The following ANKRD42 variants were observed in gnomAD, a reference collection of about 807,000 sequenced individuals.
The protein encoded by ANKRD42 is ankyrin repeat domain 42.
Under a neutral mutation model 51.5 loss-of-function variants are expected in ANKRD42, and 43 were observed. That is an observed-to-expected ratio of 0.83 (90% CI 0.65 to 1.08). The LOEUF is 1.08. Among genes scored for constraint, ANKRD42 ranks in the 50% least tolerant of loss-of-function variants. The pLI is 0.00. For missense variants in ANKRD42, 608 were observed against 629.3 expected (o/e 0.97, Z 0.36); for synonymous variants, 203 against 213.0 (o/e 0.95, Z 0.41).
At chr11:83,213,156 A>G (rs372778884) in intron 5 of ANKRD42, 46 of 1,601,786 alleles carry the variant, frequency 2.9e-5, no homozygotes, top group East Asian at 2.5e-4. Context: ...AGGTTCAAGG[A>G]CCAATCTTGA....
At chr11:83,236,801 C>T (rs746251384) in intron 8 of ANKRD42, among the ~76,000 whole-genome samples, 54 of 152,104 alleles carry the variant, frequency 3.6e-4, no homozygotes, top group African/African-American at 1.3e-3. Flanking sequence ...ACTGGAGGTC[C>T]GGTCTGGGAA....
chr11:83,206,980 A>G (rs1189218270), intron 3 of ANKRD42, among the ~76,000 whole-genome samples: 1 of 152,332 alleles, frequency 6.6e-6, no homozygotes, highest in East Asian at 1.9e-4. Flanking sequence ...TCACACTACT[A>G]TGAAGAAATA....
In ANKRD42 at chr11:83,211,299, C is replaced by G. The variant is rs1206848108; in HGVS notation, c.455C>G (p.Pro152Arg). ...CCTTGTGAATGTTACCTCTAGGATC[C>G]CAGTGTGACTGATAAGAGAGAATGG... ...LQIMLRSGVD[P>R]SVTDKREWRP... The change falls in exon 5 of 11, where the codon CCC (proline) becomes CGC (arginine). Residue 152 changes from proline (P) to arginine (R), a missense_variant. Pro to Arg is a moderately radical substitution (Grantham distance 103). Coordinates refer to ENST00000533342, the MANE Select transcript of ANKRD42 (RefSeq NM_001300975.2). 2 of 1,614,076 alleles carry G rather than the reference C, an allele frequency of 1.2e-6. No individual in the cohort carries two copies. Among genetic ancestry groups the G allele is most frequent in the Non-Finnish European group, 1.7e-6 (2 of 1,180,012 alleles).
chr11:83,224,968 G>T lies in ANKRD42; in HGVS notation c.700G>T (p.Asp234Tyr), dbSNP rs201777710. The T allele has an allele frequency of 6.2e-7, 1 of 1,613,702 alleles. No individual in the cohort carries two copies. The highest frequency in any genetic ancestry group is 1.3e-5 in the African/African-American group (1 of 75,014). Residue 234 changes from aspartate to tyrosine, a missense_variant, in exon 6 of 11, where the codon GAT becomes TAT. Coordinates refer to ENST00000533342, the MANE Select transcript of ANKRD42 (RefSeq NM_001300975.2). ...AFNDNGENVL[D>Y]LAQRFFKQNI... ...CAATGATAATGGAGAAAATGTACTG[G>T]ATTTGGCCCAGAGGTTCTTCAAGCA... is the stretch of plus-strand genomic sequence containing the variant.
At chr11:83,207,233 A>G (rs77884649) in intron 3 of ANKRD42, among the ~76,000 whole-genome samples, 16 of 152,310 alleles carry the variant, frequency 1.1e-4, no homozygotes, top group Middle Eastern at 6.8e-3. Context: ...CCATGATTCA[A>G]TTACCTCCCA....
rs1861525205 is a variant in ANKRD42 at position 83,194,100 on chromosome 11, C to T, written c.-571C>T. On this transcript the variant is annotated 5_prime_UTR_variant, in exon 1 of 11. Coordinates refer to ENST00000533342, the MANE Select transcript of ANKRD42 (RefSeq NM_001300975.2). The stretch of plus-strand genomic sequence containing the variant: ...AGAGAGTTAGGGGAGATAGTGGCCA[C>T]AGTCACAGCTGCTCTTGGGAGAGAG... 2.2e-6 allele frequency: 1 copy of T among 456,382 alleles called. No homozygotes were observed. Among genetic ancestry groups the T allele is most frequent in the Non-Finnish European group, 4.4e-6 (1 of 226,798 alleles). The allele number at this position is 456,382 out of a possible 1,614,324, so 28.3% of individuals were successfully genotyped here. A position where few individuals can be genotyped will look rare whatever the true frequency, so the allele number is the denominator to read the frequency against.
At chr11:83,212,832 A>C (rs895880862) in intron 5 of ANKRD42, 2 of 1,439,044 alleles carry the variant, frequency 1.4e-6, no homozygotes, top group African/African-American at 2.9e-5. Flanking sequence ...GTCTTTTGGT[A>C]TGAACTCTTT....
At chr11:83,245,036 C>G (rs972288706) in intron 9 of ANKRD42, among the ~76,000 whole-genome samples, 2 of 152,090 alleles carry the variant, frequency 1.3e-5, no homozygotes, top group South Asian at 2.1e-4. Flanking sequence ...TCATGAGTAG[C>G]TGGGATTACA....
intron 5 of ANKRD42, chr11:83,214,497 C>T: frequency 1.0e-6 from 1 of 978,356 alleles, no homozygotes; most frequent in Non-Finnish European, 1.2e-6. Context: ...TTATTTATAA[C>T]CAGGTAGAGT....
chr11:83,229,594 AAG>A (rs1242979124), intron 7 of ANKRD42, among the ~76,000 whole-genome samples: 7 of 152,146 alleles, frequency 4.6e-5, no homozygotes, highest in Non-Finnish European at 1.0e-4. Context: ...CTTGAACTGA[AAG>A]AGAAATGAGG....
Position 83,248,078 on chromosome 11 carries a change from T to C in ANKRD42, c.1458T>C (p.Phe486=). Residue 486 remains phenylalanine, a synonymous_variant, in exon 11 of 11, where the codon TTT becomes TTC. Transcript: ENST00000533342. ...TGGAAAAAATTCAAGTCCCAAACTT[T>C]GTGGCTATGGTTGGTGTCCTTTTTA... is the stretch of plus-strand genomic sequence containing the variant. ...ETLEKIQVPN[F]VAMVGVLFNT... 1 of 1,580,084 alleles carries C rather than the reference T, an allele frequency of 6.3e-7. No individual in the cohort carries two copies. Among genetic ancestry groups the C allele is most frequent in the East Asian group, 2.3e-5 (1 of 42,950 alleles).
At chr11:83,232,233 G>C (rs1863093929) in intron 7 of ANKRD42, among the ~76,000 whole-genome samples, 1 of 151,704 alleles carries the variant, frequency 6.6e-6, no homozygotes, top group Admixed American at 6.6e-5. Flanking sequence ...TATGAACATG[G>C]AATATCTTTC....
At chr11:83,234,851 A>T (rs890947196) in intron 7 of ANKRD42, among the ~76,000 whole-genome samples, 3 of 152,180 alleles carry the variant, frequency 2.0e-5, no homozygotes, top group African/African-American at 7.2e-5. Context: ...GCCAGCTTGT[A>T]ATTTGGCAGA....
At chr11:83,210,195 T>C in intron 3 of ANKRD42, 105 bp from the exon 4 acceptor site, 1 of 1,120,340 alleles carries the variant, frequency 8.9e-7, no homozygotes, top group Non-Finnish European at 1.3e-6. Context: ...TACATAAGAA[T>C]TTAGCTATAG....
At chr11:83,256,443 T>G (rs1441730832), downstream of ANKRD42, among the ~76,000 whole-genome samples, 1 of 152,160 alleles carries the variant, frequency 6.6e-6, no homozygotes, top group East Asian at 1.9e-4. Flanking sequence ...TGGCTTTATT[T>G]TTTCCTCTTT....
Position 83,248,431 on chromosome 11 carries a change from T to C in ANKRD42, c.*227T>C. The C allele has an allele frequency of 8.3e-7, 1 of 1,206,908 alleles. No homozygotes were observed. Among genetic ancestry groups the C allele is most frequent in the East Asian group, 3.5e-5 (1 of 28,436 alleles). 74.8% of individuals were successfully genotyped at this position (1,206,908 alleles called of 1,614,324 possible). A position where few individuals can be genotyped will look rare whatever the true frequency, so the allele number is the denominator to read the frequency against. ...TTCATAAGTATTATTGTTAACATTG[T>C]ACCATAGAAGGAGAAAATGTTTTCA... On this transcript the variant is annotated 3_prime_UTR_variant, in exon 11 of 11. Coordinates refer to ENST00000533342, the MANE Select transcript of ANKRD42 (RefSeq NM_001300975.2).
At chr11:83,239,796 C>T (rs534695769) in intron 8 of ANKRD42, among the ~76,000 whole-genome samples, 1 of 152,246 alleles carries the variant, frequency 6.6e-6, no homozygotes, top group East Asian at 1.9e-4. Flanking sequence ...CTGAAGTTTT[C>T]CATAATTTCT....
chr11:83,242,459 A>T (rs1013332054), intron 9 of ANKRD42, among the ~76,000 whole-genome samples: 5 of 151,710 alleles, frequency 3.3e-5, no homozygotes, highest in African/African-American at 1.2e-4. Flanking sequence ...TTTAGAAGAG[A>T]GAAAGATGAT....
intron 5 of ANKRD42, among the ~76,000 whole-genome samples, chr11:83,215,714 A>G (rs1310729198): frequency 6.6e-6 from 1 of 152,246 alleles, no homozygotes; most frequent in African/African-American, 2.4e-5. Flanking sequence ...AATAGAAACA[A>G]GGAAAAAGCA....
Sources: gnomAD v4.1 joint callset for allele counts (sites outside exome capture counted in the v4.1 genomes callset) on GRCh38, gnomAD v4.1.1 for gene constraint, MANE v1.5 for transcripts, NCBI Gene and HGNC (gene_info 2026-07-23, HGNC 2026-07-21) for gene names.